Variants in DNAH1 observed in about 807,000 individuals in gnomAD.
The protein encoded by DNAH1 is dynein axonemal heavy chain 1.
DNAH1 carries 327 observed loss-of-function variants against 484.3 expected under a neutral mutation model. The ratio of observed to expected loss-of-function variants is 0.68; its 90% CI spans 0.62 to 0.74. The LOEUF is 0.74. DNAH1 is among the 30% of genes least tolerant of loss of function. DNAH1 has a pLI of 0.00. For missense variants in DNAH1, 5,052 were observed against 5,546.8 expected (o/e 0.91, Z 2.83); for synonymous variants, 2,192 against 2,191.9 (o/e 1.00, Z 0.00).
Position 52,322,722 on chromosome 3 carries a change from C to G in DNAH1, c.280C>G (p.Gln94Glu). ...GTDKKYPLMK[Q>E]RGFYSDILSP... The stretch of plus-strand genomic sequence containing the variant: ...TGATAAGAAGTACCCGCTGATGAAG[C>G]AGCGTGGGTTCTACTCCGACATCCT... Residue 94 changes from glutamine to glutamate, a missense_variant, in exon 2 of 78, where the codon CAG becomes GAG. By Grantham distance (29) the Gln-to-Glu change is conservative. Coordinates refer to ENST00000420323, the MANE Select transcript of DNAH1 (RefSeq NM_015512.5). The G allele has an allele frequency of 6.2e-7, 1 of 1,613,106 alleles. No homozygotes were observed.
chr3:52,339,433 G>A (rs1320134185), intron 8 of DNAH1, among the ~76,000 whole-genome samples: 1 of 151,618 alleles, frequency 6.6e-6, no homozygotes, highest in Non-Finnish European at 1.5e-5. Context: ...TTTTCTTACC[G>A]ACATTTGTCC....
intron 51 of DNAH1, 124 bp from the exon 52 acceptor site, chr3:52,383,736 C>A: frequency 1.4e-6 from 2 of 1,410,200 alleles, no homozygotes; most frequent in Middle Eastern, 1.9e-4. Context: ...GCCATTGGGC[C>A]CAGGCTGCTG....
chr3:52,370,919 C>A, intron 41 of DNAH1, 94 bp downstream of exon 41: 1 of 1,198,996 alleles, frequency 8.3e-7, no homozygotes, highest in Non-Finnish European at 1.2e-6. Context: ...GGAGCCGTCA[C>A]ATTGATGGCC....
intron 1 of DNAH1, among the ~76,000 whole-genome samples, chr3:52,321,358 C>T (rs1294924715): frequency 1.3e-5 from 2 of 152,182 alleles, no homozygotes; most frequent in East Asian, 1.9e-4. Flanking sequence ...TCAGGTGATC[C>T]ACCCGCCTCG....
In DNAH1 at chr3:52,398,134, A is replaced by T. The variant is rs1256167308; in HGVS notation, c.12061A>T (p.Asn4021Tyr). ...CCCAGTGCTGTATGAGGAATCAATG[A>T]ACACAGTACTAGTACAAGAGGTCAT... ...KYPVLYEESM[N>Y]TVLVQEVIRY... The change falls in exon 75 of 78, where the codon AAC (asparagine) becomes TAC (tyrosine). Residue 4021 changes from asparagine (N) to tyrosine (Y), a missense_variant. By Grantham distance (143) the Asn-to-Tyr change is moderately radical. Coordinates refer to ENST00000420323, the MANE Select transcript of DNAH1 (RefSeq NM_015512.5). The T allele has an allele frequency of 6.2e-7, 1 of 1,613,186 alleles. No homozygotes were observed. The highest frequency in any genetic ancestry group is 8.5e-7 in the Non-Finnish European group (1 of 1,179,730).
In DNAH1 at chr3:52,372,401, C is replaced by G. The variant is rs1476394508; in HGVS notation, c.6827+14C>G. 1.2e-5 allele frequency: 19 copies of G among 1,612,392 alleles called. No individual in the cohort carries two copies. Among genetic ancestry groups the G allele is most frequent in the Non-Finnish European group, 1.6e-5 (19 of 1,179,844 alleles). ...GCTGGACAAGAGGCAGGGCACCCCT[C>G]CCTCCTTCCTCACCCCTGCATCCTC... On this transcript the variant is annotated intron_variant, in intron 43 of 77. Coordinates refer to ENST00000420323, the MANE Select transcript of DNAH1 (RefSeq NM_015512.5).
chr3:52,399,592 G>A lies in DNAH1; in HGVS notation c.12489G>A (p.Gly4163=), dbSNP rs1302939342. ...PSELTQRPQV[G]CYIHGLFLEG... is the part of the protein sequence containing the mutation. ...AGTTAACACAAAGACCCCAAGTAGG[G>A]TGCTATATCCATGGATTATTCCTGG... The change falls in exon 77 of 78, where the codon GGG becomes GGA. Residue 4163 remains glycine, a synonymous_variant. Transcript: ENST00000420323. 2 of 1,613,844 alleles carry A rather than the reference G, an allele frequency of 1.2e-6. No homozygotes were observed. Among genetic ancestry groups the A allele is most frequent in the African/African-American group, 1.3e-5 (1 of 74,918 alleles).
At position 52,363,005 on chromosome 3, in the gene DNAH1, G is replaced by A. The variant is rs753810465; in HGVS notation, c.5105G>A (p.Arg1702Gln). 21 of 1,613,782 alleles carry A rather than the reference G, an allele frequency of 1.3e-5. No homozygotes were observed. Among genetic ancestry groups the A allele is most frequent in the Non-Finnish European group, 1.7e-5 (20 of 1,179,858 alleles). ...ELPDNLKALFRPVAMMVPDYA... is the reference protein window; with the variant it reads ...ELPDNLKALFQPVAMMVPDYA... Reference sequence around the variant, plus strand: ...CACTGTGTGTCCCAGGCGCTCTTCCGACCCGTGGCCATGATGGTTCCAGAT... The same window carrying A: ...CACTGTGTGTCCCAGGCGCTCTTCCAACCCGTGGCCATGATGGTTCCAGAT... Residue 1702 changes from arginine to glutamine, a missense_variant, in exon 32 of 78, where the codon CGA becomes CAA. Coordinates refer to ENST00000420323, the MANE Select transcript of DNAH1 (RefSeq NM_015512.5).
In DNAH1 at chr3:52,339,492, T is replaced by A. The variant is rs565769721; in HGVS notation, c.1287-4998T>A. The stretch of plus-strand genomic sequence containing the variant: ...TTCTGATTCAAGGTGGTTTTTCAGA[T>A]GCCCAAACACTCGTTTAAGGCTATT... On this transcript the variant is annotated intron_variant, in intron 8 of 77. Coordinates refer to ENST00000420323, the MANE Select transcript of DNAH1 (RefSeq NM_015512.5). 3.9e-5 allele frequency among the ~76,000 whole-genome samples: 6 copies of A among 152,322 alleles called. 1 individual carries two copies. The South Asian group carries it at 1.2e-3, about 32-fold the overall frequency.
rs765232427 is a variant in DNAH1, at chr3:52,396,656, G to T, written c.11469G>T (p.Leu3823Phe). The T allele has an allele frequency of 2.5e-6, 4 of 1,613,486 alleles. No individual in the cohort carries two copies. Among genetic ancestry groups the T allele is most frequent in the Admixed American group, 1.7e-5 (1 of 59,996 alleles). The stretch of plus-strand genomic sequence containing the variant: ...AGTCTCTGCTGCTGTCTCTGTGCTT[G>T]TTCCATGGGAACGCCCTGGAGCGCC... ...EFKSLLLSLC[L>F]FHGNALERRK... The change falls in exon 72 of 78, where the codon TTG (leucine) becomes TTT (phenylalanine). Residue 3823 changes from leucine (L) to phenylalanine (F), a missense_variant. Physicochemically the swap from Leu to Phe is conservative, Grantham distance 22. Coordinates refer to ENST00000420323, the MANE Select transcript of DNAH1 (RefSeq NM_015512.5).
At position 52,360,468 on chromosome 3, in the gene DNAH1, T is replaced by A. The variant is rs1237723983; in HGVS notation, c.4685+44T>A. On this transcript the variant is annotated intron_variant, in intron 28 of 77. Coordinates refer to ENST00000420323, the MANE Select transcript of DNAH1 (RefSeq NM_015512.5). ...CTCCTTCCCACACTGAGACCCTCCC[T>A]CTAGTTCTCTCTGGCCCAGGAATCC... 21 of 1,513,614 alleles carry A rather than the reference T, an allele frequency of 1.4e-5. No individual in the cohort carries two copies. In the Admixed American group the frequency reaches 3.6e-4, roughly 26 times the overall value. The allele number at this position is 1,513,614 out of a possible 1,614,324, so 93.8% of individuals were successfully genotyped here.
At chr3:52,375,205 C>G in intron 44 of DNAH1, 35 bp from the exon 45 acceptor site, 1 of 1,570,232 alleles carries the variant, frequency 6.4e-7, no homozygotes, top group Non-Finnish European at 8.7e-7. Flanking sequence ...GCAGCCCTGG[C>G]CAGGGCCCTT....
rs1018192994 is a variant in DNAH1, at chr3:52,396,773, C to T, written c.11586C>T (p.Asp3862=). ...ICISQLKMFL[D]EYDDIPYKVL... ...TCAGCCAGCTCAAGATGTTCCTGGA[C>T]GAATATGATGACATCCCCTACAAGG... The change falls in exon 72 of 78, where the codon GAC becomes GAT. Residue 3862 remains aspartate (D), a synonymous_variant. Coordinates refer to ENST00000420323, the MANE Select transcript of DNAH1 (RefSeq NM_015512.5). 1.9e-5 allele frequency: 31 copies of T among 1,613,488 alleles called. No individual in the cohort carries two copies. The highest frequency in any genetic ancestry group is 4.5e-5 in the East Asian group (2 of 44,884).
At chr3:52,349,548 G>A (rs1702286648) in intron 14 of DNAH1, 128 bp downstream of exon 14, 2 of 894,126 alleles carry the variant, frequency 2.2e-6, no homozygotes, top group Non-Finnish European at 1.7e-6. Context: ...CCCAGGCCAA[G>A]GGAAGGAGCT....
At chr3:52,332,878 T>C (rs541870327) in intron 8 of DNAH1, among the ~76,000 whole-genome samples, 1 of 152,306 alleles carries the variant, frequency 6.6e-6, no homozygotes, top group East Asian at 1.9e-4. Flanking sequence ...TTTTTATTTA[T>C]TATTTTAGTT....
intron 8 of DNAH1, among the ~76,000 whole-genome samples, 186 bp downstream of exon 8, chr3:52,332,580 T>A (rs1439766307): frequency 6.6e-6 from 1 of 152,232 alleles, no homozygotes; most frequent in Non-Finnish European, 1.5e-5. Flanking sequence ...GATCCCTCAT[T>A]ATCCATATGG....
chr3:52,356,735 G>A lies in DNAH1; in HGVS notation c.3815G>A (p.Arg1272Gln), dbSNP rs748124296. ...VESKRYQTME[R>Q]IWKKIMKNAY... ...AGCAAGCGCTACCAGACCATGGAGCGGATCTGGAAGAAGATCATGAAGAAT... is the reference window on the plus strand; with the variant it reads ...AGCAAGCGCTACCAGACCATGGAGCAGATCTGGAAGAAGATCATGAAGAAT... The change falls in exon 22 of 78, where the codon CGG (arginine) becomes CAG (glutamine). Residue 1272 changes from arginine (R) to glutamine (Q), a missense_variant. This residue lies in a region of DNAH1 where 2,929 missense variants were observed against 3,409.4 expected (regional missense o/e 0.86). Coordinates refer to ENST00000420323, the MANE Select transcript of DNAH1 (RefSeq NM_015512.5). The A allele has an allele frequency of 1.6e-5, 26 of 1,613,452 alleles. No homozygotes were observed. Among genetic ancestry groups the A allele is most frequent in the East Asian group, 1.1e-4 (5 of 44,872 alleles).
Position 52,394,602 on chromosome 3 carries a change from C to T in DNAH1, c.10764C>T (p.Ser3588=), listed in dbSNP as rs375328522. ...SNLPTFSSFS[S]DFVKHLSEFR... is the part of the protein sequence containing the mutation. The stretch of plus-strand genomic sequence containing the variant: ...TGCCAACCTTTTCCTCCTTCTCTTC[C>T]GACTTCGTGAAGCACCTCTCAGAAT... The change falls in exon 67 of 78, where the codon TCC becomes TCT. Residue 3588 remains serine, a synonymous_variant. Transcript: ENST00000420323. The T allele has an allele frequency of 1.7e-5, 27 of 1,605,950 alleles. No individual in the cohort carries two copies. The highest frequency in any genetic ancestry group is 5.3e-5 in the African/African-American group (4 of 74,842).
intron 7 of DNAH1, 134 bp downstream of exon 7, chr3:52,331,443 C>T (rs1020147293): frequency 5.1e-5 from 54 of 1,060,882 alleles, no homozygotes; most frequent in East Asian, 8.0e-5. Context: ...ATGCCCTGAC[C>T]GGTGAGGACC....
Sources: allele counts gnomAD v4.1 joint callset (sites outside exome capture counted in the v4.1 genomes callset), GRCh38; gene constraint gnomAD v4.1.1; regional missense constraint gnomAD v4.1.1; transcripts MANE v1.5; gene names NCBI Gene and HGNC (gene_info 2026-07-23, HGNC 2026-07-21).